Variants in HERC1 observed in about 807,000 individuals in gnomAD.
HERC1 encodes the protein HECT and RLD domain containing E3 ubiquitin protein ligase family member 1, also known as probable E3 ubiquitin-protein ligase HERC1.
In HERC1, 160 loss-of-function variants were observed where a neutral mutation model predicts 554.3. The ratio of observed to expected loss-of-function variants is 0.29; its 90% CI spans 0.25 to 0.33. The LOEUF is 0.33. Ranked by LOEUF, HERC1 falls within the 10% of genes least tolerant of loss-of-function variation. The pLI, the probability that HERC1 is intolerant of heterozygous loss-of-function variation, is 1.00. For missense variants in HERC1, 4,919 were observed against 5,918.5 expected, an observed-to-expected ratio of 0.83 and a Z score of 5.54; for synonymous variants, 2,175 against 2,131.7, an observed-to-expected ratio of 1.02 and a Z score of -0.56.
chr15:63,684,681 C>A (rs539845310), intron 34 of HERC1, among the ~76,000 whole-genome samples: 1 of 152,120 alleles, frequency 6.6e-6, no homozygotes, highest in Non-Finnish European at 1.5e-5. Context: ...CAGAACTGTT[C>A]CTAAAAGTTC....
In HERC1 at chr15:63,686,434, A is replaced by C. The variant is rs891088155; in HGVS notation, c.6150T>G (p.Ile2050Met). 6.2e-7 allele frequency: 1 copy of C among 1,613,798 alleles called. No individual in the cohort carries two copies. Among genetic ancestry groups the C allele is most frequent in the African/African-American group, 1.3e-5 (1 of 74,920 alleles). ...CTTTCCCTCCACTGCCGTGAGTTAA[A>C]ATCTGTCCATTCTCCACTAGGCAAC... ...AQCCLVENGQ[I>M]LTHGSGGKGY... The change falls in exon 34 of 78, where the codon ATT becomes ATG. Residue 2050 changes from isoleucine (I) to methionine (M), a missense_variant. Around this residue, in one of 11 missense-constraint regions of HERC1, gnomAD observed 85 missense variants for 163.2 expected, o/e 0.52. Coordinates refer to ENST00000443617, the MANE Select transcript of HERC1 (RefSeq NM_003922.4).
chr15:63,632,840 C>G (rs1015434499), intron 67 of HERC1, 29 bp from the exon 68 acceptor site: 1 of 1,433,868 alleles, frequency 7.0e-7, no homozygotes, highest in South Asian at 1.3e-5. Context: ...AGGCACACAA[C>G]TTTAAGAAGA....
chr15:63,672,488 T>A lies in HERC1; in HGVS notation c.8045+8A>T. 6.3e-7 allele frequency: 1 copy of A among 1,575,984 alleles called. No homozygotes were observed. The highest frequency in any genetic ancestry group is 1.3e-5 in the African/African-American group (1 of 74,320). On this transcript the variant is annotated splice_region_variant and intron_variant, in intron 39 of 77. Transcript: ENST00000443617. ...AGTATGGCAGACATTAAAGGTCAACTTCTCTACCTGAGAAGACTAAGAGGC... is the reference window on the plus strand; with the variant it reads ...AGTATGGCAGACATTAAAGGTCAACATCTCTACCTGAGAAGACTAAGAGGC...
intron 67 of HERC1, 81 bp from the exon 68 acceptor site, chr15:63,632,892 A>T: frequency 2.2e-6 from 2 of 903,610 alleles, no homozygotes; most frequent in Non-Finnish European, 3.4e-6. Context: ...ATGTATCAAG[A>T]ACTACCTTCC....
At position 63,690,392 on chromosome 15, in the gene HERC1, T is replaced by G. The variant is rs1221028653; in HGVS notation, c.5937+149A>C. 5 of 541,446 alleles carry G rather than the reference T, an allele frequency of 9.2e-6. No individual in the cohort carries two copies. In the Admixed American group the frequency reaches 1.4e-4, roughly 15 times the overall value. 33.5% of individuals were successfully genotyped at this position (541,446 alleles called of 1,614,324 possible). ...ATTTTTTTTGCCCTCTCCTTGGGGG[T>G]GAAATAATAAAGAAAGCAGTCCTAA... On this transcript the variant is annotated intron_variant, in intron 32 of 77. Transcript: ENST00000443617.
chr15:63,622,895 C>A lies in HERC1; in HGVS notation c.13612-4G>T. On this transcript the variant is annotated splice_polypyrimidine_tract_variant and splice_region_variant and intron_variant, in intron 73 of 77. Transcript: ENST00000443617. ...CAACAATACCAGTTTCAAGTTCCTG[C>A]AGAAGAAAGAAAAAAATTTTTTGAG... The A allele has an allele frequency of 6.3e-7, 1 of 1,581,728 alleles. No individual in the cohort carries two copies. The highest frequency in any genetic ancestry group is 8.6e-7 in the Non-Finnish European group (1 of 1,167,296).
chr15:63,767,356 G>A, intron 2 of HERC1, among the ~76,000 whole-genome samples: 1 of 151,922 alleles, frequency 6.6e-6, no homozygotes, highest in East Asian at 1.9e-4. Flanking sequence ...ATTCCATCAG[G>A]TAAATAAAAC....
intron 25 of HERC1, among the ~76,000 whole-genome samples, chr15:63,702,542 C>A (rs1271116789): frequency 6.6e-6 from 1 of 152,120 alleles, no homozygotes; most frequent in Admixed American, 6.5e-5. Flanking sequence ...CAAGTATCTG[C>A]AAAAACGTAT....
At chr15:63,630,100 C>T (rs543487342) in intron 69 of HERC1, among the ~76,000 whole-genome samples, 10 of 152,204 alleles carry the variant, frequency 6.6e-5, no homozygotes, top group Non-Finnish European at 1.3e-4. Context: ...GTTCCCAGGA[C>T]CTAATCTCAC....
intron 54 of HERC1, among the ~76,000 whole-genome samples, chr15:63,648,831 TAAAC>T (rs1256732465): frequency 6.6e-6 from 1 of 152,280 alleles, no homozygotes; most frequent in African/African-American, 2.4e-5. Flanking sequence ...TACCTATTCT[TAAAC>T]AAACAAAACA....
In HERC1 at chr15:63,694,675, T is replaced by C; in HGVS notation, c.5242+99A>G. ...TATTTATTCTTTACCTATAAGTTTA[T>C]CTACTAATGTTAAACACAAAATATA... On this transcript the variant is annotated intron_variant, in intron 28 of 77. Transcript: ENST00000443617. The surrounding 1 kb of genome is among the most constrained non-coding windows in gnomAD (Gnocchi z 4.3). 6.6e-7 allele frequency: 1 copy of C among 1,508,362 alleles called. No homozygotes were observed. The highest frequency in any genetic ancestry group is 1.4e-5 in the African/African-American group (1 of 72,816). The allele number at this position is 1,508,362 out of a possible 1,614,324, so 93.4% of individuals were successfully genotyped here. A position where few individuals can be genotyped will look rare whatever the true frequency, so the allele number is the denominator to read the frequency against.
rs1270958521 is a variant in HERC1, at chr15:63,749,183, C to A, written c.2219+184G>T. 6.6e-6 allele frequency among the ~76,000 whole-genome samples: 1 copy of A among 152,028 alleles called. No homozygotes were observed. Among genetic ancestry groups the A allele is most frequent in the African/African-American group, 2.4e-5 (1 of 41,384 alleles). On this transcript the variant is annotated intron_variant, in intron 10 of 77. Transcript: ENST00000443617. The surrounding 1 kb of genome is among the most constrained non-coding windows in gnomAD (Gnocchi z 4.1). ...CTTCTTGCTTCGGAAACATGTCTAA[C>A]CTCAACATTCAAATAAAAAGAAATC...
Position 63,672,691 on chromosome 15 carries a change from A to C in HERC1, c.7850T>G (p.Ile2617Ser), listed in dbSNP as rs1566995725. ...GTCACTTTCTTCAGCTTGTTGATCAATCTCTAGAAACCAAAAAAAAGGTTA... is the reference window on the plus strand; with the variant it reads ...GTCACTTTCTTCAGCTTGTTGATCACTCTCTAGAAACCAAAAAAAAGGTTA... ...DQFGGKIKQEIDQQAEESDPA... is the reference protein window; with the variant it reads ...DQFGGKIKQESDQQAEESDPA... The change falls in exon 39 of 78, where the codon ATT becomes AGT. Residue 2617 changes from isoleucine to serine, a missense_variant. Physicochemically the swap from Ile to Ser is moderately radical, Grantham distance 142. Around this residue, in one of 11 missense-constraint regions of HERC1, gnomAD observed 1,963 missense variants for 2,228.6 expected, o/e 0.88. Coordinates refer to ENST00000443617, the MANE Select transcript of HERC1 (RefSeq NM_003922.4). 6.3e-7 allele frequency: 1 copy of C among 1,593,960 alleles called. No individual in the cohort carries two copies. Among genetic ancestry groups the C allele is most frequent in the East Asian group, 2.2e-5 (1 of 44,736 alleles).
chr15:63,801,875 T>C (rs1313986497), intron 1 of HERC1, among the ~76,000 whole-genome samples: 1 of 152,188 alleles, frequency 6.6e-6, no homozygotes, highest in Non-Finnish European at 1.5e-5. Flanking sequence ...CATATGCTAA[T>C]GAATCCAGTC....
At chr15:63,790,063 T>C (rs906266777) in intron 1 of HERC1, among the ~76,000 whole-genome samples, 1 of 152,112 alleles carries the variant, frequency 6.6e-6, no homozygotes, top group Non-Finnish European at 1.5e-5. Flanking sequence ...AGTTGCTTAA[T>C]TTCCCCATGG....
In HERC1 at chr15:63,716,431, G is replaced by A. The variant is rs1414419715; in HGVS notation, c.4021C>T (p.His1341Tyr). 13 of 1,613,436 alleles carry A rather than the reference G, an allele frequency of 8.1e-6. No individual in the cohort carries two copies. Among genetic ancestry groups the A allele is most frequent in the Non-Finnish European group, 1.0e-5 (12 of 1,179,668 alleles). ...QDSADVDPQE[H>Y]SFTRTIDEEA... ...TCATCAATAGTTCGAGTAAATGAAT[G>A]CTCCTGAGGATCAACATCTGCAGAG... The change falls in exon 22 of 78, where the codon CAT becomes TAT. Residue 1341 changes from histidine to tyrosine, a missense_variant. His to Tyr is a moderately conservative substitution (Grantham distance 83). Transcript: ENST00000443617.
chr15:63,729,705 A>G (rs1157630916), intron 14 of HERC1, 56 bp from the exon 15 acceptor site: 2 of 1,548,096 alleles, frequency 1.3e-6, no homozygotes, highest in South Asian at 1.1e-5. Flanking sequence ...TGAAAGTAAC[A>G]ACCTACCATA....
At chr15:63,662,357 G>A (rs2070400868) in intron 44 of HERC1, among the ~76,000 whole-genome samples, 1 of 151,666 alleles carries the variant, frequency 6.6e-6, no homozygotes, top group Admixed American at 6.6e-5. Flanking sequence ...ATTTTCATCT[G>A]GTCACAAAAT....
intron 1 of HERC1, among the ~76,000 whole-genome samples, chr15:63,777,038 G>T (rs1194575971): frequency 6.6e-6 from 1 of 152,146 alleles, no homozygotes; most frequent in African/African-American, 2.4e-5. Flanking sequence ...CAGGGAAGGT[G>T]TCTCTCAAGC....
Sources: allele counts gnomAD v4.1 joint callset (sites outside exome capture counted in the v4.1 genomes callset), GRCh38; gene constraint gnomAD v4.1.1; regional missense constraint gnomAD v4.1.1; non-coding constraint Gnocchi (gnomAD v3.1); transcripts MANE v1.5; gene names NCBI Gene and HGNC (gene_info 2026-07-23, HGNC 2026-07-21).